SHOC1: variants seen among roughly 807,000 people sequenced by gnomAD.
SHOC1 encodes shortage in chiasmata 1, also known as protein shortage in chiasmata 1 ortholog.
A neutral mutation model predicts 179.2 loss-of-function variants in SHOC1; 136 were observed. That is an observed-to-expected ratio of 0.76 (90% CI 0.66 to 0.87). The LOEUF (loss-of-function observed/expected upper bound fraction) is 0.87. Among genes scored for constraint, SHOC1 ranks in the 40% least tolerant of loss-of-function variants. The pLI is 0.00. For synonymous variants in SHOC1, 489 were observed against 586.6 expected, an observed-to-expected ratio of 0.83 and a Z score of 2.41; for missense variants, 1,538 against 1,700.8, an observed-to-expected ratio of 0.90 and a Z score of 1.68.
chr9:111,785,130 G>C (rs545561038), intron 3 of SHOC1, among the ~76,000 whole-genome samples: 8 of 152,178 alleles, frequency 5.3e-5, no homozygotes, highest in Admixed American at 2.0e-4. Flanking sequence ...CAGGAACTTT[G>C]CATTTGCTTG....
At chr9:111,708,825 T>C (rs1832396807) in intron 18 of SHOC1, among the ~76,000 whole-genome samples, 1 of 152,210 alleles carries the variant, frequency 6.6e-6, no homozygotes, top group African/African-American at 2.4e-5. Flanking sequence ...TTATTTTTGG[T>C]AGACATAATT....
intron 18 of SHOC1, among the ~76,000 whole-genome samples, chr9:111,711,393 G>C (rs536114144): frequency 6.6e-6 from 1 of 152,254 alleles, no homozygotes. Context: ...GGAAGTTCCT[G>C]CCACTTGCAG....
intron 5 of SHOC1, among the ~76,000 whole-genome samples, chr9:111,765,216 A>C (rs1463216612): frequency 6.6e-6 from 1 of 152,190 alleles, no homozygotes; most frequent in Non-Finnish European, 1.5e-5. Flanking sequence ...AAAAGTGTTT[A>C]TAAAATCTAA....
Position 111,697,876 on chromosome 9 carries a change from C to T in SHOC1, c.3183+2078G>A, listed in dbSNP as rs181787771. On this transcript the variant is annotated intron_variant, in intron 24 of 27. Coordinates refer to ENST00000682961, the MANE Select transcript of SHOC1 (RefSeq NM_001378211.1). ...CTGTTGTTTCCTGATTTTTAATGAT[C>T]GCCATTCTAACTGGTGTGAGATGGT... is the stretch of plus-strand genomic sequence containing the variant. 2.5e-3 allele frequency among the ~76,000 whole-genome samples: 382 copies of T among 152,198 alleles called. 1 individual carries two copies. The highest frequency in any genetic ancestry group is 8.3e-3 in the African/African-American group (344 of 41,534).
intron 12 of SHOC1, among the ~76,000 whole-genome samples, chr9:111,731,641 C>T (rs966629096): frequency 5.9e-5 from 9 of 152,022 alleles, no homozygotes; most frequent in African/African-American, 2.2e-4. Context: ...ATAACTATAA[C>T]AGATATAATA....
chr9:111,705,484 A>T, intron 20 of SHOC1, 120 bp from the exon 21 acceptor site: 1 of 442,800 alleles, frequency 2.3e-6, no homozygotes. Context: ...ATTCAATGTA[A>T]AAAATCAGAA....
At chr9:111,704,395 G>A (rs573759915) in intron 21 of SHOC1, among the ~76,000 whole-genome samples, 1 of 151,982 alleles carries the variant, frequency 6.6e-6, no homozygotes, top group South Asian at 2.1e-4. Context: ...ACTGTATATT[G>A]TTATTATTTT....
At chr9:111,739,045 A>G (rs1468855786) in intron 11 of SHOC1, among the ~76,000 whole-genome samples, 2 of 152,134 alleles carry the variant, frequency 1.3e-5, no homozygotes, top group African/African-American at 4.8e-5. Context: ...ACAACTACCT[A>G]ATATTATTAT....
chr9:111,703,333 C>A (rs1422257051), intron 22 of SHOC1, among the ~76,000 whole-genome samples: 1 of 152,088 alleles, frequency 6.6e-6, no homozygotes, highest in Non-Finnish European at 1.5e-5. Context: ...CACTCCCACC[C>A]CAATAAATTA....
chr9:111,777,169 G>A lies in SHOC1; in HGVS notation c.258-1194C>T, dbSNP rs184646781. ...GGTATCAGCTGATCCATAGAGTGCAGGGTCTGCAAAATATCTCAAGCCCTG... is the reference window on the plus strand; with the variant it reads ...GGTATCAGCTGATCCATAGAGTGCAAGGTCTGCAAAATATCTCAAGCCCTG... On this transcript the variant is annotated intron_variant, in intron 4 of 27. Transcript: ENST00000682961. Among the ~76,000 whole-genome samples the A allele has an allele frequency of 5.2e-3, 788 of 152,240 alleles. 3 individuals are homozygous for A. The highest frequency in any genetic ancestry group is 0.018 in the African/African-American group (744 of 41,530).
intron 20 of SHOC1, 126 bp from the exon 21 acceptor site, chr9:111,705,490 C>A (rs1589385686): frequency 2.3e-6 from 1 of 432,434 alleles, no homozygotes; most frequent in Admixed American, 4.2e-5. Flanking sequence ...TGTAAAAAAT[C>A]AGAAACAGAA....
At chr9:111,699,924 C>T (rs202039978) in intron 24 of SHOC1, 30 bp downstream of exon 24, 655 of 1,470,540 alleles carry the variant, frequency 4.5e-4, no homozygotes, top group Non-Finnish European at 5.5e-4. Flanking sequence ...ATAAAAAATA[C>T]TTATGAAGAA....
intron 12 of SHOC1, among the ~76,000 whole-genome samples, chr9:111,729,021 CTTTAAT>C (rs1833438864): frequency 6.6e-6 from 1 of 152,164 alleles, no homozygotes; most frequent in African/African-American, 2.4e-5. Flanking sequence ...CAAGTACATA[CTTTAAT>C]TTTAAAATAC....
chr9:111,692,409 A>T lies in SHOC1; in HGVS notation c.3568T>A (p.Leu1190Met). 6.2e-7 allele frequency: 1 copy of T among 1,613,688 alleles called. No homozygotes were observed. Among genetic ancestry groups the T allele is most frequent in the Non-Finnish European group, 8.5e-7 (1 of 1,179,812 alleles). Residue 1190 changes from leucine (L) to methionine (M), a missense_variant, in exon 27 of 28, where the codon TTG becomes ATG. Leu to Met is a conservative substitution (Grantham distance 15, BLOSUM62 2). Coordinates refer to ENST00000682961, the MANE Select transcript of SHOC1 (RefSeq NM_001378211.1). Reference protein sequence around the residue: ...PQENRNQISTLSSQSSASDLD... With the variant: ...PQENRNQISTMSSQSSASDLD... ...TCAGAAGCTGAACTTTGAGAAGACA[A>T]GGTACTAATCTGATTCCTATTTTCC...
In SHOC1 at chr9:111,692,199, A is replaced by G. The variant is rs371906607; in HGVS notation, c.3778T>C (p.Cys1260Arg). ...NQTSYWKDSSCKSNIGQNTPF... is the reference protein window; with the variant it reads ...NQTSYWKDSSRKSNIGQNTPF... ...GTATTCTGCCCTATATTAGATTTAC[A>G]GCTGGAGTCTTTCCAGTAGCTGGTC... Residue 1260 changes from cysteine (C) to arginine (R), a missense_variant, in exon 27 of 28, where the codon TGT (cysteine) becomes CGT (arginine). Transcript: ENST00000682961. The G allele has an allele frequency of 5.6e-6, 9 of 1,613,694 alleles. No individual in the cohort carries two copies. In the African/African-American group the frequency reaches 8.0e-5, roughly 14 times the overall value.
rs755356407 is a variant in SHOC1 at position 111,692,005 on chromosome 9, T to G, written c.3972A>C (p.Ile1324=). Residue 1324 remains isoleucine, a synonymous_variant, in exon 27 of 28, where the codon ATA becomes ATC. Coordinates refer to ENST00000682961, the MANE Select transcript of SHOC1 (RefSeq NM_001378211.1). ...QKRVSVVPRF[I]NSQKRRTHEA... is the part of the protein sequence containing the mutation. Reference sequence around the variant, plus strand: ...CATGTGTTCTCCTTTTCTGAGAATTTATAAAACGGGGGACAACTGACACTC... The same window carrying G: ...CATGTGTTCTCCTTTTCTGAGAATTGATAAAACGGGGGACAACTGACACTC... The G allele has an allele frequency of 5.0e-6, 8 of 1,613,154 alleles. No homozygotes were observed. Among genetic ancestry groups the G allele is most frequent in the Non-Finnish European group, 6.8e-6 (8 of 1,179,724 alleles).
intron 4 of SHOC1, among the ~76,000 whole-genome samples, chr9:111,777,019 G>A (rs10122052): frequency 0.057 from 8,724 of 152,186 alleles, 616 homozygotes; most frequent in African/African-American, 0.17. Context: ...AAGGGCTTGG[G>A]AAGTGGGGAG....
intron 12 of SHOC1, among the ~76,000 whole-genome samples, chr9:111,730,195 C>T (rs184401281): frequency 6.6e-6 from 1 of 152,264 alleles, no homozygotes; most frequent in Non-Finnish European, 1.5e-5. Context: ...AAGTCTTGAA[C>T]CCTTCAAAAT....
At chr9:111,762,853 G>A (rs561397874) in intron 5 of SHOC1, among the ~76,000 whole-genome samples, 107 of 151,950 alleles carry the variant, frequency 7.0e-4, no homozygotes, top group African/African-American at 2.5e-3. Context: ...AGCGGTTTTA[G>A]TCAGTATAGT....
Sources: gnomAD v4.1 joint callset for allele counts (sites outside exome capture counted in the v4.1 genomes callset) on GRCh38, gnomAD v4.1.1 for gene constraint, MANE v1.5 for transcripts, NCBI Gene and HGNC (gene_info 2026-07-23, HGNC 2026-07-21) for gene names.